GPC6: variants seen among roughly 807,000 people sequenced by gnomAD.
The protein encoded by GPC6 is glypican-6.
In GPC6, 14 loss-of-function variants were observed where a neutral mutation model predicts 55.2. That is an observed-to-expected ratio of 0.25 (90% CI 0.17 to 0.40). The LOEUF is 0.40. GPC6 is among the 10% of genes least tolerant of loss of function. The pLI, the probability that GPC6 is intolerant of heterozygous loss-of-function variation, is 1.00. For missense variants in GPC6, 641 were observed against 708.5 expected, an observed-to-expected ratio of 0.90 and a Z score of 1.08; for synonymous variants, 278 against 259.6, an observed-to-expected ratio of 1.07 and a Z score of -0.68.
chr13:94,361,059 C>A (rs988587480), intron 6 of GPC6, among the ~76,000 whole-genome samples: 1 of 152,184 alleles, frequency 6.6e-6, no homozygotes, highest in Non-Finnish European at 1.5e-5. Context: ...CATAGAAATG[C>A]AATTCTCAGT....
chr13:93,362,692 T>TAAC (rs1566317517), intron 1 of GPC6, among the ~76,000 whole-genome samples: 4 of 151,438 alleles, frequency 2.6e-5, no homozygotes, highest in East Asian at 2.0e-4. Flanking sequence ...AAAAAAAAAT[T>TAAC]TTTTTTAAAG....
Position 94,115,883 on chromosome 13 carries a change from T to G in GPC6, c.877+87989T>G, listed in dbSNP as rs367969118. On this transcript the variant is annotated intron_variant, in intron 4 of 8. Transcript: ENST00000377047. ...TTCAGTTTACAAAAATAGCTTAATA[T>G]TTATAGAAGTCCTACGGTGATTCTT... Among the ~76,000 whole-genome samples the G allele has an allele frequency of 3.3e-5, 5 of 152,224 alleles. No homozygotes were observed. The East Asian group carries it at 7.7e-4, about 24-fold the overall frequency.
At chr13:93,512,643 A>T (rs766746348) in intron 1 of GPC6, among the ~76,000 whole-genome samples, 1 of 151,760 alleles carries the variant, frequency 6.6e-6, no homozygotes, top group South Asian at 2.1e-4. Context: ...GTGTCATCTG[A>T]TATTGGTTAT....
At chr13:94,342,464 C>CGGTCAA (rs2139157804) in intron 6 of GPC6, among the ~76,000 whole-genome samples, 1 of 152,250 alleles carries the variant, frequency 6.6e-6, no homozygotes, top group South Asian at 2.1e-4. Context: ...ATGCAGCCGT[C>CGGTCAA]GGTCAAAGGA....
At chr13:94,145,137 G>A (rs200982852) in intron 4 of GPC6, among the ~76,000 whole-genome samples, 16 of 149,878 alleles carry the variant, frequency 1.1e-4, no homozygotes, top group Non-Finnish European at 2.4e-4. Flanking sequence ...GGATGGATGG[G>A]TGGATGGATG....
intron 2 of GPC6, among the ~76,000 whole-genome samples, chr13:93,736,902 C>G (rs1884024055): frequency 6.6e-6 from 1 of 152,130 alleles, no homozygotes; most frequent in South Asian, 2.1e-4. Context: ...GAAATGCCCA[C>G]TTCTGTTAGC....
intron 1 of GPC6, among the ~76,000 whole-genome samples, chr13:93,479,615 C>CCT (rs57882005): frequency 0.2 from 29,860 of 151,624 alleles, 3,184 homozygotes; most frequent in East Asian, 0.36. Context: ...GAGACCCCCC[C>CCT]CCATCTCTAC....
chr13:94,135,937 TTAAGCAGCTTC>T (rs1338903030), intron 4 of GPC6, among the ~76,000 whole-genome samples: 1 of 152,148 alleles, frequency 6.6e-6, no homozygotes, highest in East Asian at 1.9e-4. Flanking sequence ...GACAAAGAAG[TTAAGCAGCTTC>T]CAGGCAGAAG....
chr13:94,391,077 T>A (rs995490963), intron 7 of GPC6, among the ~76,000 whole-genome samples: 2 of 152,136 alleles, frequency 1.3e-5, no homozygotes, highest in African/African-American at 4.8e-5. Flanking sequence ...AGAGGCCAAG[T>A]CAAAGAATTT....
chr13:94,166,575 A>T (rs917177861), intron 4 of GPC6, among the ~76,000 whole-genome samples: 1 of 152,192 alleles, frequency 6.6e-6, no homozygotes, highest in Non-Finnish European at 1.5e-5. Context: ...CTGGCTAAAA[A>T]TTGAACATAG....
Position 93,234,430 on chromosome 13 carries a change from T to C in GPC6, c.160+6814T>C, listed in dbSNP as rs146081996. On this transcript the variant is annotated intron_variant, in intron 1 of 8. Transcript: ENST00000377047. ...TTAGCCTGAGTCCCTTAACAAGCTG[T>C]TGAATAAGTGTTTTAATCAGGATTG... Among the ~76,000 whole-genome samples the C allele has an allele frequency of 4.6e-3, 703 of 152,256 alleles. 4 individuals carry two copies. Among genetic ancestry groups the C allele is most frequent in the African/African-American group, 0.015 (615 of 41,546 alleles).
Position 94,405,854 on chromosome 13 carries a change from A to G in GPC6, c.*2637A>G, listed in dbSNP as rs1881345858. 6.6e-6 allele frequency: 1 copy of G among 152,162 alleles called. No homozygotes were observed. The highest frequency in any genetic ancestry group is 6.5e-5 in the Admixed American group (1 of 15,272). The allele number at this position is 152,162 out of a possible 1,614,324, so 9.4% of individuals were successfully genotyped here. A position where few individuals can be genotyped will look rare whatever the true frequency, so the allele number is the denominator to read the frequency against. ...GTTGTACTTCCTAGTTTTTATCATC[A>G]TACTACTATGTCATATGATTTTCAG... On this transcript the variant is annotated 3_prime_UTR_variant, in exon 9 of 9. Transcript: ENST00000377047.
intron 2 of GPC6, among the ~76,000 whole-genome samples, chr13:93,742,118 A>G (rs571077578): frequency 1.2e-3 from 176 of 152,294 alleles, no homozygotes; most frequent in African/African-American, 4.0e-3. Context: ...CAAGTTTGAT[A>G]TTTGACATAA....
intron 3 of GPC6, among the ~76,000 whole-genome samples, chr13:93,861,106 C>A (rs527542182): frequency 6.6e-6 from 1 of 151,306 alleles, no homozygotes; most frequent in East Asian, 2.0e-4. Context: ...TCCGTGTAAA[C>A]CCCTTAGAAC....
intron 2 of GPC6, among the ~76,000 whole-genome samples, chr13:93,612,324 C>T (rs1343354074): frequency 1.3e-5 from 2 of 152,044 alleles, no homozygotes; most frequent in African/African-American, 4.8e-5. Flanking sequence ...ATGGTGAAAC[C>T]CTGTCTCTAC....
chr13:94,370,128 C>CA (rs1351434449), intron 6 of GPC6, among the ~76,000 whole-genome samples: 1 of 152,202 alleles, frequency 6.6e-6, no homozygotes, highest in East Asian at 1.9e-4. Flanking sequence ...TCTACATGGA[C>CA]AAAATCATCC....
At chr13:93,421,053 A>C (rs1876903653) in intron 1 of GPC6, among the ~76,000 whole-genome samples, 1 of 152,150 alleles carries the variant, frequency 6.6e-6, no homozygotes, top group Non-Finnish European at 1.5e-5. Context: ...CGCCAGGCAT[A>C]AAACAACAAC....
intron 1 of GPC6, among the ~76,000 whole-genome samples, chr13:93,419,300 G>T (rs558135182): frequency 2.6e-5 from 4 of 151,838 alleles, no homozygotes; most frequent in African/African-American, 7.2e-5. Context: ...GGATTCACTT[G>T]TAAATAACTT....
intron 2 of GPC6, among the ~76,000 whole-genome samples, chr13:93,646,815 T>A (rs2139593631): frequency 6.6e-6 from 1 of 150,976 alleles, no homozygotes; most frequent in African/African-American, 2.4e-5. Context: ...TGTGGTGGAA[T>A]GAAGAAATAA....
Sources: gnomAD v4.1 joint callset for allele counts (sites outside exome capture counted in the v4.1 genomes callset) on GRCh38, gnomAD v4.1.1 for gene constraint, MANE v1.5 for transcripts, NCBI Gene and HGNC (gene_info 2026-07-23, HGNC 2026-07-21) for gene names.